ATP6V1H: variants seen among roughly 807,000 people sequenced by gnomAD.
ATP6V1H encodes the protein ATPase H+ transporting V1 subunit H.
A neutral mutation model predicts 71.7 loss-of-function variants in ATP6V1H; 39 were observed. The ratio of observed to expected loss-of-function variants is 0.54; its 90% CI spans 0.42 to 0.71. The LOEUF is 0.71. Among genes scored for constraint, ATP6V1H ranks in the 30% least tolerant of loss-of-function variants. ATP6V1H has a pLI of 0.00. For missense variants in ATP6V1H, 509 were observed against 594.9 expected, an observed-to-expected ratio of 0.86 and a Z score of 1.50; for synonymous variants, 192 against 199.3, an observed-to-expected ratio of 0.96 and a Z score of 0.31.
intron 9 of ATP6V1H, among the ~76,000 whole-genome samples, chr8:53,783,338 T>C (rs1809239062): frequency 6.6e-6 from 1 of 152,226 alleles, no homozygotes; most frequent in African/African-American, 2.4e-5. Flanking sequence ...ATAGAGGTGT[T>C]TATAGTATTC....
intron 12 of ATP6V1H, 109 bp from the exon 13 acceptor site, chr8:53,743,799 G>A (rs575386530): frequency 5.9e-5 from 39 of 664,396 alleles, no homozygotes; most frequent in South Asian, 2.3e-4. Context: ...AACAATGTAC[G>A]TAAATAAACC....
intron 11 of ATP6V1H, among the ~76,000 whole-genome samples, chr8:53,767,930 C>T (rs749030917): frequency 6.6e-6 from 1 of 152,120 alleles, no homozygotes; most frequent in Non-Finnish European, 1.5e-5. Flanking sequence ...AAGGAAACAA[C>T]AAATTAGACT....
chr8:53,766,624 A>C (rs563242202), intron 11 of ATP6V1H, among the ~76,000 whole-genome samples: 8 of 152,190 alleles, frequency 5.3e-5, no homozygotes, highest in Non-Finnish European at 8.8e-5. Flanking sequence ...TCAGCATGGG[A>C]TATCCCTGAG....
intron 4 of ATP6V1H, among the ~76,000 whole-genome samples, chr8:53,819,703 T>TAC (rs1810584470): frequency 1.5e-5 from 2 of 129,882 alleles, no homozygotes; most frequent in Non-Finnish European, 3.1e-5. Context: ...TATATGTATA[T>TAC]ACGTATATAC....
Position 53,839,703 on chromosome 8 carries a change from T to G in ATP6V1H, c.113+1875A>C, listed in dbSNP as rs996206726. The G allele has an allele frequency of 4.1e-6, 4 of 985,300 alleles. No homozygotes were observed. The African/African-American group carries it at 7.0e-5, about 17-fold the overall frequency. The allele number at this position is 985,300 out of a possible 1,614,324, so 61.0% of individuals were successfully genotyped here. On this transcript the variant is annotated intron_variant, in intron 2 of 13. Coordinates refer to ENST00000359530, the MANE Select transcript of ATP6V1H (RefSeq NM_015941.4). ...CTCCCGGCTACAAGATTCATTGGTT[T>G]CCAACACCTACAGCTCCTTGGAAAA... is the stretch of plus-strand genomic sequence containing the variant.
chr8:53,747,664 C>T (rs1395310666), intron 12 of ATP6V1H, among the ~76,000 whole-genome samples: 1 of 151,802 alleles, frequency 6.6e-6, no homozygotes, highest in Non-Finnish European at 1.5e-5. Flanking sequence ...CCAAGCCTCC[C>T]GAGTAGCTGG....
chr8:53,757,305 C>T (rs1279563411), intron 11 of ATP6V1H, among the ~76,000 whole-genome samples: 1 of 152,172 alleles, frequency 6.6e-6, no homozygotes, highest in Non-Finnish European at 1.5e-5. Context: ...CCCCCTGCCC[C>T]GGCTTCTGCT....
intron 1 of ATP6V1H, 97 bp downstream of exon 1, chr8:53,842,937 G>C (rs755021251): frequency 6.6e-6 from 1 of 152,464 alleles, no homozygotes; most frequent in African/African-American, 2.4e-5. Flanking sequence ...GGACCAAGCG[G>C]CGAGACACCA....
intron 13 of ATP6V1H, among the ~76,000 whole-genome samples, chr8:53,718,696 C>G (rs1214954955): frequency 6.6e-6 from 1 of 152,166 alleles, no homozygotes; most frequent in Non-Finnish European, 1.5e-5. Flanking sequence ...GCCAGGCTCA[C>G]TCTCGTTTAT....
intron 9 of ATP6V1H, among the ~76,000 whole-genome samples, chr8:53,778,569 A>G (rs1339332047): frequency 1.3e-5 from 2 of 152,332 alleles, no homozygotes; most frequent in South Asian, 2.1e-4. Context: ...CTGCAGCAAC[A>G]TGGACAGAAC....
At position 53,795,686 on chromosome 8, in the gene ATP6V1H, G is replaced by A; in HGVS notation, c.831C>T (p.Val277=). 1.4e-5 allele frequency: 22 copies of A among 1,613,150 alleles called. No individual in the cohort carries two copies. The highest frequency in any genetic ancestry group is 1.9e-5 in the Non-Finnish European group (22 of 1,179,824). Residue 277 remains valine, a synonymous_variant, in exon 9 of 14, where the codon GTC becomes GTT. Coordinates refer to ENST00000359530, the MANE Select transcript of ATP6V1H (RefSeq NM_015941.4). ...GAATGATTCTTGTTACTTTCTCTTT[G>A]ACAGACTCCTGAAGGATATCAGACA... The part of the protein sequence containing the change: ...PVLSDILQES[V]KEKVTRIILA...
intron 11 of ATP6V1H, among the ~76,000 whole-genome samples, chr8:53,765,563 T>C (rs1808431001): frequency 2.0e-5 from 3 of 149,226 alleles, no homozygotes; most frequent in African/African-American, 2.5e-5. Context: ...TACTTAGGTA[T>C]AAATGTAACA....
chr8:53,720,060 G>C (rs891077961), intron 13 of ATP6V1H, among the ~76,000 whole-genome samples: 2 of 152,148 alleles, frequency 1.3e-5, no homozygotes, highest in African/African-American at 2.4e-5. Flanking sequence ...TCTGGGTATT[G>C]AGTCATCCTC....
chr8:53,811,637 T>C (rs1392641318), intron 6 of ATP6V1H, among the ~76,000 whole-genome samples: 1 of 152,218 alleles, frequency 6.6e-6, no homozygotes, highest in Non-Finnish European at 1.5e-5. Flanking sequence ...AGGTACAATA[T>C]GTGACTTGGT....
chr8:53,839,835 GC>G, intron 2 of ATP6V1H: 6 of 985,424 alleles, frequency 6.1e-6, no homozygotes, highest in Non-Finnish European at 7.2e-6. Context: ...GGGCTTCACA[GC>G]TTAAAAATCA....
intron 9 of ATP6V1H, among the ~76,000 whole-genome samples, chr8:53,775,899 G>A (rs977920912): frequency 4.6e-5 from 7 of 152,234 alleles, no homozygotes; most frequent in South Asian, 4.1e-4. Context: ...CCATGCGCTC[G>A]CACTCCTCAG....
intron 12 of ATP6V1H, among the ~76,000 whole-genome samples, chr8:53,755,107 T>C (rs894645071): frequency 1.3e-5 from 2 of 152,194 alleles, no homozygotes; most frequent in African/African-American, 4.8e-5. Context: ...CAGCACTCAA[T>C]TAAACAGAAG....
intron 13 of ATP6V1H, among the ~76,000 whole-genome samples, chr8:53,737,089 G>T (rs571714906): frequency 6.6e-6 from 1 of 152,196 alleles, no homozygotes; most frequent in Admixed American, 6.5e-5. Flanking sequence ...AGAGCTGTAA[G>T]CCCTTAAAAG....
chr8:53,749,583 A>G (rs549307563), intron 12 of ATP6V1H, among the ~76,000 whole-genome samples: 104 of 152,296 alleles, frequency 6.8e-4, no homozygotes, highest in African/African-American at 2.5e-3. Context: ...ACATCGGCTT[A>G]TAACTGAGCT....
Sources: gnomAD v4.1 joint callset for allele counts (sites outside exome capture counted in the v4.1 genomes callset) on GRCh38, gnomAD v4.1.1 for gene constraint, MANE v1.5 for transcripts, NCBI Gene and HGNC (gene_info 2026-07-23, HGNC 2026-07-21) for gene names.